MRPL47: variants seen among roughly 807,000 people sequenced by gnomAD.
The protein encoded by MRPL47 is mitochondrial ribosomal protein L47, also known as large ribosomal subunit protein uL29m.
MRPL47 carries 31 observed loss-of-function variants against 34.0 expected under a neutral mutation model. The ratio of observed to expected loss-of-function variants is 0.91; its 90% confidence interval spans 0.68 to 1.23. MRPL47 has a LOEUF of 1.23. MRPL47 is among the 50% of genes most tolerant of loss of function. The pLI is 0.00. For missense variants in MRPL47, 328 were observed against 285.8 expected, an observed-to-expected ratio of 1.15 and a Z score of -1.07; for synonymous variants, 106 against 101.6, an observed-to-expected ratio of 1.04 and a Z score of -0.26.
rs749340936 is a variant in MRPL47, at chr3:179,602,674, C to T, written c.222G>A (p.Trp74Ter). The change falls in exon 2 of 7, where the codon TGG (tryptophan) becomes TGA (stop). Residue 74 changes from tryptophan to a stop codon, truncating the protein, a stop_gained. Coordinates refer to ENST00000476781, the MANE Select transcript of MRPL47 (RefSeq NM_020409.3). LOFTEE classifies it high-confidence loss of function. The part of the protein sequence containing the change: ...LEEFFDDPKN[W>*]GQEKVKSGAA... Reference sequence around the variant, plus strand: ...CACCAGATTTTACTTTTTCTTGCCCCCAGTTTTTTGGGTCATCAAAAAATT... The same window carrying T: ...CACCAGATTTTACTTTTTCTTGCCCTCAGTTTTTTGGGTCATCAAAAAATT... The T allele has an allele frequency of 3.1e-6, 5 of 1,611,748 alleles. No homozygotes were observed. The East Asian group carries it at 1.1e-4, about 36-fold the overall frequency.
chr3:179,604,034 A>G (rs1718996869), intron 1 of MRPL47, among the ~76,000 whole-genome samples: 2 of 152,280 alleles, frequency 1.3e-5, no homozygotes, highest in South Asian at 2.1e-4. Flanking sequence ...ATGGCAACCA[A>G]TGTAATAAAT....
chr3:179,594,288 G>A (rs1424636577), intron 4 of MRPL47, among the ~76,000 whole-genome samples: 1 of 152,088 alleles, frequency 6.6e-6, no homozygotes, highest in Non-Finnish European at 1.5e-5. Context: ...ACTAATCACT[G>A]TGTCCTTGAC....
At chr3:179,600,085 C>T (rs564107895) in intron 3 of MRPL47, among the ~76,000 whole-genome samples, 1 of 150,946 alleles carries the variant, frequency 6.6e-6, no homozygotes, top group East Asian at 2.0e-4. Flanking sequence ...CGTGCCATTG[C>T]ACTCCGGCCT....
chr3:179,598,539 G>A, intron 4 of MRPL47, 136 bp downstream of exon 4: 2 of 612,390 alleles, frequency 3.3e-6, no homozygotes, highest in South Asian at 3.7e-5. Flanking sequence ...AGCTATGATG[G>A]TTGCACTACT....
intron 4 of MRPL47, among the ~76,000 whole-genome samples, chr3:179,595,541 A>G (rs1398904193): frequency 3.9e-5 from 6 of 152,228 alleles, no homozygotes; most frequent in Non-Finnish European, 5.9e-5. Flanking sequence ...CCACATTGAT[A>G]AGGGCTTTAT....
At chr3:179,594,232 T>C (rs6772319) in intron 4 of MRPL47, among the ~76,000 whole-genome samples, 13,854 of 152,242 alleles carry the variant, frequency 0.091, 685 homozygotes, top group South Asian at 0.17. Context: ...GAAGTGATAA[T>C]AATTTGCTAT....
chr3:179,600,304 T>C (rs989046246), intron 3 of MRPL47, among the ~76,000 whole-genome samples: 3 of 152,182 alleles, frequency 2.0e-5, no homozygotes, highest in African/African-American at 7.2e-5. Flanking sequence ...ACTTCACAAT[T>C]CTTTAATTTG....
At chr3:179,595,765 G>C (rs1718775695) in intron 4 of MRPL47, among the ~76,000 whole-genome samples, 1 of 152,180 alleles carries the variant, frequency 6.6e-6, no homozygotes, top group African/African-American at 2.4e-5. Flanking sequence ...GTATTATTTA[G>C]ATATACCTTA....
chr3:179,593,499 A>G (rs751184704), intron 5 of MRPL47, among the ~76,000 whole-genome samples: 11 of 152,214 alleles, frequency 7.2e-5, no homozygotes, highest in Non-Finnish European at 1.5e-4. Flanking sequence ...TGTGATTCAT[A>G]TAAGACTAAG....
intron 4 of MRPL47, among the ~76,000 whole-genome samples, chr3:179,597,308 C>T (rs1026258241): frequency 3.3e-5 from 5 of 152,106 alleles, no homozygotes; most frequent in African/African-American, 9.7e-5. Context: ...CTCCAGGGAT[C>T]GTTATGTCCT....
intron 6 of MRPL47, 31 bp downstream of exon 6, chr3:179,592,613 A>G: frequency 7.6e-7 from 1 of 1,317,792 alleles, no homozygotes; most frequent in African/African-American, 1.4e-5. Flanking sequence ...GTATAAAGAT[A>G]ATATGTTTTA....
chr3:179,592,853 T>TA (rs750617106), intron 5 of MRPL47, 114 bp from the exon 6 acceptor site: 2 of 665,166 alleles, frequency 3.0e-6, no homozygotes, highest in African/African-American at 3.6e-5. Context: ...AAATAAAACA[T>TA]AAACATTTTT....
chr3:179,589,042 T>C (rs1194944124), intron 6 of MRPL47, 47 bp from the exon 7 acceptor site: 3 of 1,557,104 alleles, frequency 1.9e-6, no homozygotes, highest in Non-Finnish European at 2.6e-6. Flanking sequence ...AATATTTCCT[T>C]GTTATTCAAT....
chr3:179,598,428 AC>A (rs372605968), intron 4 of MRPL47, among the ~76,000 whole-genome samples: 47 of 132,182 alleles, frequency 3.6e-4, no homozygotes, highest in Middle Eastern at 3.9e-3. Context: ...ACACACACAA[AC>A]AAAAAAAAAA....
chr3:179,589,065 T>C, intron 6 of MRPL47, 70 bp from the exon 7 acceptor site: 4 of 1,443,818 alleles, frequency 2.8e-6, no homozygotes, highest in South Asian at 1.3e-5. Flanking sequence ...TATCAAAATA[T>C]GCATAAATCA....
chr3:179,602,221 G>GT (rs1215799954), intron 2 of MRPL47, among the ~76,000 whole-genome samples: 1 of 152,140 alleles, frequency 6.6e-6, no homozygotes, highest in Non-Finnish European at 1.5e-5. Flanking sequence ...GCACGTGCCT[G>GT]TAATCCCAGC....
intron 3 of MRPL47, among the ~76,000 whole-genome samples, chr3:179,599,859 C>A (rs1033527330): frequency 1.3e-5 from 2 of 152,212 alleles, no homozygotes; most frequent in Non-Finnish European, 2.9e-5. Context: ...AGTGCAGTGG[C>A]TCACACCTGT....
At chr3:179,597,451 C>A (rs143462540) in intron 4 of MRPL47, among the ~76,000 whole-genome samples, 1 of 151,988 alleles carries the variant, frequency 6.6e-6, no homozygotes, top group Non-Finnish European at 1.5e-5. Context: ...TACTATGCCA[C>A]AGAAAAAAAT....
chr3:179,596,283 T>C (rs1404917460), intron 4 of MRPL47, among the ~76,000 whole-genome samples: 1 of 152,260 alleles, frequency 6.6e-6, no homozygotes, highest in African/African-American at 2.4e-5. Context: ...TTTTCTCTTT[T>C]ACTCTTCCTT....
Sources: gnomAD v4.1 joint callset for allele counts (sites outside exome capture counted in the v4.1 genomes callset) on GRCh38, gnomAD v4.1.1 for gene constraint, MANE v1.5 for transcripts, NCBI Gene and HGNC (gene_info 2026-07-23, HGNC 2026-07-21) for gene names.